LARP4B: variants seen among roughly 807,000 people sequenced by gnomAD.
The protein encoded by LARP4B is la-related protein 4B.
Under a neutral mutation model 89.8 loss-of-function variants are expected in LARP4B, and 12 were observed. The ratio of observed to expected loss-of-function variants is 0.13; its 90% CI spans 0.09 to 0.22. LARP4B has a LOEUF of 0.22. Ranked by LOEUF, LARP4B falls within the 10% of genes least tolerant of loss-of-function variation. The pLI is 1.00. For synonymous variants in LARP4B, 367 were observed against 363.3 expected (o/e 1.01, Z -0.12); for missense variants, 757 against 947.7 (o/e 0.80, Z 2.64).
chr10:922,422 C>T (rs1206092541), intron 1 of LARP4B, among the ~76,000 whole-genome samples: 2 of 152,210 alleles, frequency 1.3e-5, no homozygotes, highest in Admixed American at 1.3e-4. Flanking sequence ...CTGGTAACAA[C>T]TGTCAATGGA....
At chr10:873,872 T>G (rs1045198969) in intron 3 of LARP4B, among the ~76,000 whole-genome samples, 2 of 152,166 alleles carry the variant, frequency 1.3e-5, no homozygotes, top group Non-Finnish European at 2.9e-5. Context: ...GCAAATATAG[T>G]AAATATATAC....
intron 1 of LARP4B, among the ~76,000 whole-genome samples, chr10:898,530 G>C (rs1391648809): frequency 1.3e-5 from 2 of 152,194 alleles, no homozygotes; most frequent in South Asian, 2.1e-4. Context: ...TTTTATGTGT[G>C]TCTGGCATAA....
the LARP4B span, among the ~76,000 whole-genome samples, chr10:969,506 G>C: frequency 1.3e-5 from 2 of 152,152 alleles, no homozygotes; most frequent in Non-Finnish European, 2.9e-5. Context: ...GAGGTGGATA[G>C]ATTACTTGAG....
chr10:904,977 A>G (rs1416402745), intron 1 of LARP4B, among the ~76,000 whole-genome samples: 2 of 152,196 alleles, frequency 1.3e-5, no homozygotes, highest in East Asian at 1.9e-4. Flanking sequence ...TTCACGCTAA[A>G]TTTATTTAAA....
the LARP4B span, among the ~76,000 whole-genome samples, chr10:977,393 G>A: frequency 1.3e-5 from 2 of 152,128 alleles, no homozygotes; most frequent in Admixed American, 6.5e-5. Flanking sequence ...GATCCTCCCA[G>A]CTGGGCGCTG....
intron 6 of LARP4B, 146 bp from the exon 7 acceptor site, chr10:843,214 T>C: frequency 1.3e-6 from 1 of 750,992 alleles, no homozygotes; most frequent in Non-Finnish European, 2.1e-6. Context: ...TGTTATTTGC[T>C]GTCTCTCCAG....
rs1300027607 is a variant in LARP4B, at chr10:820,818, T to C, written c.1512A>G (p.Lys504=). 1 of 1,613,780 alleles carries C rather than the reference T, an allele frequency of 6.2e-7. No individual in the cohort carries two copies. Among genetic ancestry groups the C allele is most frequent in the Admixed American group, 1.7e-5 (1 of 60,006 alleles). Residue 504 remains lysine (K), a synonymous_variant, in exon 14 of 18, where the codon AAA becomes AAG. Transcript: ENST00000316157. ...TACTCACTGTAAACTTCTCCTCCCT[T>C]TTCTTCCGGTAGCCAAAGGAATTCT... ...GRKNSFGYRK[K]REEKFTSSQT...
intron 14 of LARP4B, chr10:819,311 G>T (rs1045481077): frequency 6.6e-6 from 1 of 152,242 alleles, no homozygotes. Context: ...CTGCCCAGAT[G>T]TGGGAGTTAC....
chr10:883,986 G>A (rs1835776376), intron 3 of LARP4B, among the ~76,000 whole-genome samples: 1 of 152,268 alleles, frequency 6.6e-6, no homozygotes, highest in East Asian at 1.9e-4. Flanking sequence ...ATATGCAAAT[G>A]ATGAAAGGTA....
At chr10:927,975 G>C (rs983097028) in intron 1 of LARP4B, among the ~76,000 whole-genome samples, 20 of 152,144 alleles carry the variant, frequency 1.3e-4, no homozygotes, top group African/African-American at 4.8e-4. Flanking sequence ...CACTTTGGGA[G>C]GCCGAGGCGG....
intron 1 of LARP4B, among the ~76,000 whole-genome samples, chr10:921,519 G>A (rs892506965): frequency 1.3e-5 from 2 of 152,084 alleles, no homozygotes; most frequent in Non-Finnish European, 2.9e-5. Flanking sequence ...CGGGGAGGGG[G>A]AGGACTACCA....
intron 2 of LARP4B, 33 bp from the exon 3 acceptor site, chr10:884,539 C>T (rs1353447343): frequency 7.1e-7 from 1 of 1,411,694 alleles, no homozygotes. Context: ...AACATCAGTA[C>T]AATGTTTAAA....
intron 1 of LARP4B, among the ~76,000 whole-genome samples, chr10:888,988 G>C (rs1315077535): frequency 6.6e-6 from 1 of 152,148 alleles, no homozygotes; most frequent in Admixed American, 6.5e-5. Context: ...CGGAGGCTGG[G>C]ATAGGAGGAC....
In LARP4B at chr10:812,881, T is replaced by C. The variant is rs746529293; in HGVS notation, c.*45A>G. 6.7e-7 allele frequency: 1 copy of C among 1,488,288 alleles called. No individual in the cohort carries two copies. Among genetic ancestry groups the C allele is most frequent in the East Asian group, 2.3e-5 (1 of 42,742 alleles). The allele number at this position is 1,488,288 out of a possible 1,614,324, so 92.2% of individuals were successfully genotyped here. Reference sequence around the variant, plus strand: ...GCACTGAGTGGGAGAGTGTCTCGTTTGTGGTTAACACAGCGCTCTGCGACC... The same window carrying C: ...GCACTGAGTGGGAGAGTGTCTCGTTCGTGGTTAACACAGCGCTCTGCGACC... On this transcript the variant is annotated 3_prime_UTR_variant, in exon 18 of 18. Transcript: ENST00000316157.
intron 5 of LARP4B, among the ~76,000 whole-genome samples, chr10:856,148 G>GA (rs1242994008): frequency 1.3e-5 from 2 of 151,928 alleles, no homozygotes; most frequent in South Asian, 2.1e-4. Context: ...AGCCATAAAA[G>GA]AAAAAAATGA....
intron 6 of LARP4B, among the ~76,000 whole-genome samples, chr10:843,896 C>T (rs927614999): frequency 6.6e-6 from 1 of 152,194 alleles, no homozygotes; most frequent in African/African-American, 2.4e-5. Flanking sequence ...ACTTTACCCA[C>T]AAAATCCAAA....
chr10:876,742 G>A (rs1188428041), intron 3 of LARP4B, among the ~76,000 whole-genome samples: 3 of 152,132 alleles, frequency 2.0e-5, no homozygotes, highest in Admixed American at 6.5e-5. Context: ...GCCCTGGTGG[G>A]GGCTTCTCTG....
intron 5 of LARP4B, among the ~76,000 whole-genome samples, chr10:856,665 C>G (rs1374333146): frequency 6.6e-6 from 1 of 152,148 alleles, no homozygotes; most frequent in Non-Finnish European, 1.5e-5. Flanking sequence ...GTGAGGGGTT[C>G]CTGCACTTTT....
chr10:977,303 G>C, the LARP4B span, among the ~76,000 whole-genome samples: 1 of 152,112 alleles, frequency 6.6e-6, no homozygotes, highest in African/African-American at 2.4e-5. Flanking sequence ...ACAGGAACTT[G>C]TCACCATGCA....
Sources: gnomAD v4.1 joint callset for allele counts (sites outside exome capture counted in the v4.1 genomes callset) on GRCh38, gnomAD v4.1.1 for gene constraint, MANE v1.5 for transcripts, NCBI Gene and HGNC (gene_info 2026-07-23, HGNC 2026-07-21) for gene names.